Variants in DNASE2 observed in about 807,000 individuals in gnomAD.
DNASE2 encodes the protein deoxyribonuclease 2, lysosomal, also known as deoxyribonuclease-2-alpha.
DNASE2 carries 26 observed loss-of-function variants against 29.8 expected under a neutral mutation model. The observed-to-expected ratio is 0.87, with a 90% CI of 0.64 to 1.21. The LOEUF is 1.21. DNASE2 is among the 50% of genes most tolerant of loss of function. DNASE2 has a pLI of 0.00. For synonymous variants in DNASE2, 186 were observed against 193.5 expected, an observed-to-expected ratio of 0.96 and a Z score of 0.32; for missense variants, 415 against 455.6, an observed-to-expected ratio of 0.91 and a Z score of 0.81.
chr19:12,880,005 T>A (rs2145922487), intron 3 of DNASE2, among the ~76,000 whole-genome samples: 1 of 147,254 alleles, frequency 6.8e-6, no homozygotes, highest in South Asian at 2.2e-4. Flanking sequence ...CTCCAGAGGC[T>A]GAGGCAGAAG....
chr19:12,875,256 A>G lies in DNASE2; in HGVS notation c.*734T>C. The G allele has an allele frequency of 3.7e-6, 1 of 273,512 alleles. No homozygotes were observed. The highest frequency in any genetic ancestry group is 8.6e-5 in the East Asian group (1 of 11,578). 16.9% of individuals were successfully genotyped at this position (273,512 alleles called of 1,614,324 possible). Reference sequence around the variant, plus strand: ...CTCCTCAACAATCCTGATGGCAGGTATTATGTTTCCCATTTTGCAGACAGG... The same window carrying G: ...CTCCTCAACAATCCTGATGGCAGGTGTTATGTTTCCCATTTTGCAGACAGG... On this transcript the variant is annotated 3_prime_UTR_variant, in exon 6 of 6. Coordinates refer to ENST00000222219, the MANE Select transcript of DNASE2 (RefSeq NM_001375.3).
At position 12,881,016 on chromosome 19, in the gene DNASE2, C is replaced by T; in HGVS notation, c.223G>A (p.Val75Met). The change falls in exon 2 of 6, where the codon GTG becomes ATG. Residue 75 changes from valine (V) to methionine (M), a missense_variant. Transcript: ENST00000222219. ...TACAGCGGCTGCAGGCTTCGGCCCA[C>T]GGCCCCCTCCGGGCTGTTGATGAGT... ...RALINSPEGAVGRSLQPLYRS... is the reference protein window; with the variant it reads ...RALINSPEGAMGRSLQPLYRS... 1.2e-6 allele frequency: 2 copies of T among 1,613,862 alleles called. No homozygotes were observed. Among genetic ancestry groups the T allele is most frequent in the African/African-American group, 1.3e-5 (1 of 75,062 alleles).
chr19:12,878,785 T>A lies in DNASE2; in HGVS notation c.396A>T (p.Val132=). 1 of 1,613,824 alleles carries A rather than the reference T, an allele frequency of 6.2e-7. No homozygotes were observed. Among genetic ancestry groups the A allele is most frequent in the Non-Finnish European group, 8.5e-7 (1 of 1,179,958 alleles). ...AGGAGGCCGGTGGAGGGAAGTTAGG[T>A]ACACTGTGGACCAGCCAGAAGCCCC... ...HDGGFWLVHS[V]PNFPPPASSA... Residue 132 remains valine, a synonymous_variant, in exon 4 of 6, where the codon GTA becomes GTT. Transcript: ENST00000222219.
Position 12,881,270 on chromosome 19 carries a change from GC to G in DNASE2, c.86+19del. On this transcript the variant is annotated intron_variant, in intron 1 of 5. Coordinates refer to ENST00000222219, the MANE Select transcript of DNASE2 (RefSeq NM_001375.3). ...CAGCCGGACCCCGGGGCGATGGTAGGCCCCCCGCTGCGCACTCACCAGTCTA... is the reference window on the plus strand; with the variant it reads ...CAGCCGGACCCCGGGGCGATGGTAGGCCCCCGCTGCGCACTCACCAGTCTA... The G allele has an allele frequency of 1.9e-6, 3 of 1,581,588 alleles. No individual in the cohort carries two copies. Among genetic ancestry groups the G allele is most frequent in the Non-Finnish European group, 2.6e-6 (3 of 1,164,746 alleles).
chr19:12,880,064 C>T (rs546758632), intron 3 of DNASE2, among the ~76,000 whole-genome samples: 5 of 144,708 alleles, frequency 3.5e-5, no homozygotes, highest in Admixed American at 2.8e-4. Flanking sequence ...GAGATTGCAC[C>T]ACCGAACTCC....
intron 4 of DNASE2, 27 bp from the exon 5 acceptor site, chr19:12,878,606 C>G: frequency 6.2e-7 from 1 of 1,613,916 alleles, no homozygotes; most frequent in Non-Finnish European, 8.5e-7. Context: ...GGAGGAAATG[C>G]AAGATCGTTC....
intron 5 of DNASE2, among the ~76,000 whole-genome samples, chr19:12,877,261 C>T (rs1188647293): frequency 6.6e-6 from 1 of 152,022 alleles, no homozygotes; most frequent in Non-Finnish European, 1.5e-5. Context: ...TATTTTGAGA[C>T]TGGGTCTCAT....
At position 12,880,897 on chromosome 19, in the gene DNASE2, G is replaced by A. The variant is rs372481695; in HGVS notation, c.268-17C>T. 2.5e-6 allele frequency: 4 copies of A among 1,614,074 alleles called. No individual in the cohort carries two copies. Among genetic ancestry groups the A allele is most frequent in the South Asian group, 2.2e-5 (2 of 91,092 alleles). On this transcript the variant is annotated splice_polypyrimidine_tract_variant and intron_variant, in intron 2 of 5. Transcript: ENST00000222219. Reference sequence around the variant, plus strand: ...GAAGGCGAGCTGCGGGCGGATAAACGGAGGCAACGTGAAATTCCTCCCAGG... The same window carrying A: ...GAAGGCGAGCTGCGGGCGGATAAACAGAGGCAACGTGAAATTCCTCCCAGG...
At chr19:12,880,931 C>T (rs780626119) in intron 2 of DNASE2, 41 bp downstream of exon 2, 13 of 1,614,198 alleles carry the variant, frequency 8.1e-6, no homozygotes, top group Non-Finnish European at 9.3e-6. Context: ...GGCAGGGCAG[C>T]CCTAGAGTTT....
At chr19:12,880,736 C>G in intron 3 of DNASE2, 66 bp downstream of exon 3, 1 of 1,598,534 alleles carries the variant, frequency 6.3e-7, no homozygotes, top group Non-Finnish European at 8.6e-7. Flanking sequence ...CCACCCCATG[C>G]ACGTCAGGGG....
chr19:12,875,380 GC>G lies in DNASE2; in HGVS notation c.*609del, dbSNP rs549037267. 195 of 162,502 alleles carry G rather than the reference GC, an allele frequency of 1.2e-3. 1 individual carries two copies. Among genetic ancestry groups the G allele is most frequent in the South Asian group, 0.01 (59 of 5,840 alleles). The allele number at this position is 162,502 out of a possible 1,614,324, so 10.1% of individuals were successfully genotyped here. A position where few individuals can be genotyped will look rare whatever the true frequency, so the allele number is the denominator to read the frequency against. Reference sequence around the variant, plus strand: ...AAATCAAGTCCAAACTGGTTCCTGAGCCCTTAGATTTTTTATTTTTTATTTT... The same window carrying G: ...AAATCAAGTCCAAACTGGTTCCTGAGCCTTAGATTTTTTATTTTTTATTTT... On this transcript the variant is annotated 3_prime_UTR_variant, in exon 6 of 6. Coordinates refer to ENST00000222219, the MANE Select transcript of DNASE2 (RefSeq NM_001375.3).
intron 5 of DNASE2, among the ~76,000 whole-genome samples, chr19:12,877,639 G>A (rs767069938): frequency 4.0e-5 from 6 of 151,796 alleles, no homozygotes; most frequent in Non-Finnish European, 5.9e-5. Flanking sequence ...TCCACCTTCC[G>A]GGTTCACGCC....
intron 5 of DNASE2, 143 bp from the exon 6 acceptor site, chr19:12,876,506 C>T: frequency 7.5e-7 from 1 of 1,338,148 alleles, no homozygotes; most frequent in Admixed American, 2.7e-5. Flanking sequence ...GTCGCCCAGG[C>T]TAGAGTGCAT....
At chr19:12,877,015 G>T (rs974008447) in intron 5 of DNASE2, among the ~76,000 whole-genome samples, 2 of 152,006 alleles carry the variant, frequency 1.3e-5, no homozygotes, top group South Asian at 4.1e-4. Flanking sequence ...TAGAGATGGG[G>T]TTCCACCATG....
chr19:12,876,204 T>C lies in DNASE2; in HGVS notation c.869A>G (p.Asn290Ser), dbSNP rs1441584209. ...CCATTTGGAGTGGTCCTCTGTGCTG[T>C]TGAAGCTTGGGCCGGCTGGTCCAGG... is the stretch of plus-strand genomic sequence containing the variant. ...AFPGPAGPSF[N>S]STEDHSKWCV... The change falls in exon 6 of 6, where the codon AAC becomes AGC. Residue 290 changes from asparagine (N) to serine (S), a missense_variant. Physicochemically the swap from Asn to Ser is conservative, Grantham distance 46. Transcript: ENST00000222219. The C allele has an allele frequency of 1.2e-6, 2 of 1,614,208 alleles. No homozygotes were observed. Among genetic ancestry groups the C allele is most frequent in the Admixed American group, 1.7e-5 (1 of 60,014 alleles).
chr19:12,878,734 G>A lies in DNASE2; in HGVS notation c.447C>T (p.Ser149=), dbSNP rs147892950. 1.3e-5 allele frequency: 21 copies of A among 1,614,116 alleles called. No individual in the cohort carries two copies. Among genetic ancestry groups the A allele is most frequent in the African/African-American group, 4.0e-5 (3 of 75,038 alleles). The change falls in exon 4 of 6, where the codon AGC becomes AGT. Residue 149 remains serine (S), a synonymous_variant. Transcript: ENST00000222219. ...ASSAAYSWPH[S]ACTYGQTLLC... ...GCAGGGTCTGCCCGTAGGTACAGGC[G>A]CTATGAGGCCAGCTGTATGCAGCAG...
Position 12,881,166 on chromosome 19 carries a change from A to G in DNASE2, c.87-14T>C. On this transcript the variant is annotated splice_polypyrimidine_tract_variant and intron_variant, in intron 1 of 5. Transcript: ENST00000222219. Reference sequence around the variant, plus strand: ...TAGACCACGAACCTGGAGGTCGGAGAATGCACAGAAATAGGAGAGAGGGAA... The same window carrying G: ...TAGACCACGAACCTGGAGGTCGGAGGATGCACAGAAATAGGAGAGAGGGAA... The G allele has an allele frequency of 6.2e-7, 1 of 1,611,592 alleles. No individual in the cohort carries two copies. Among genetic ancestry groups the G allele is most frequent in the Non-Finnish European group, 8.5e-7 (1 of 1,179,976 alleles).
intron 5 of DNASE2, among the ~76,000 whole-genome samples, chr19:12,877,761 G>T (rs1174539922): frequency 6.6e-6 from 1 of 151,638 alleles, no homozygotes; most frequent in Non-Finnish European, 1.5e-5. Context: ...AGCCAGGATG[G>T]TCTCGATCTC....
chr19:12,877,967 C>T (rs1195792843), intron 5 of DNASE2: 2 of 314,290 alleles, frequency 6.4e-6, no homozygotes, highest in Non-Finnish European at 6.2e-6. Flanking sequence ...GCCTCAGCCT[C>T]CCAAGTTGCT....
Sources: allele counts gnomAD v4.1 joint callset (sites outside exome capture counted in the v4.1 genomes callset), GRCh38; gene constraint gnomAD v4.1.1; transcripts MANE v1.5; gene names NCBI Gene and HGNC (gene_info 2026-07-23, HGNC 2026-07-21).